ZFP2: variants seen among roughly 807,000 people sequenced by gnomAD.
The protein encoded by ZFP2 is zinc finger protein ZFP2.
A neutral mutation model predicts 36.1 loss-of-function variants in ZFP2; 33 were observed. The ratio of observed to expected loss-of-function variants is 0.92; its 90% CI spans 0.69 to 1.22. The LOEUF (loss-of-function observed/expected upper bound fraction) is 1.22, where lower values mean the gene tolerates loss of function less well. ZFP2 is among the 50% of genes most tolerant of loss of function. The pLI is 0.00. For missense variants in ZFP2, 522 were observed against 551.4 expected (o/e 0.95, Z 0.53); for synonymous variants, 170 against 178.0 (o/e 0.96, Z 0.36).
chr5:178,904,555 TTATAA>T (rs1270904755), intron 1 of ZFP2, among the ~76,000 whole-genome samples: 4 of 151,134 alleles, frequency 2.6e-5, no homozygotes, highest in Non-Finnish European at 5.9e-5. Flanking sequence ...AGAGTTTATA[TTATAA>T]TATAGTTTAC....
At chr5:178,907,537 A>G (rs1048918669) in intron 1 of ZFP2, among the ~76,000 whole-genome samples, 3 of 151,998 alleles carry the variant, frequency 2.0e-5, no homozygotes, top group African/African-American at 4.8e-5. Flanking sequence ...ACTATTAAAT[A>G]TACTTTGATA....
intron 4 of ZFP2, among the ~76,000 whole-genome samples, chr5:178,925,276 G>A (rs1235102072): frequency 1.3e-5 from 2 of 148,542 alleles, no homozygotes; most frequent in Non-Finnish European, 3.0e-5. Context: ...ATGAACACTT[G>A]ACGATCTTGT....
intron 3 of ZFP2, among the ~76,000 whole-genome samples, chr5:178,913,617 C>T (rs937648613): frequency 6.6e-6 from 1 of 152,276 alleles, no homozygotes; most frequent in Admixed American, 6.5e-5. Flanking sequence ...AGCAGCCTTA[C>T]ATTGTGTATA....
At chr5:178,909,773 T>G in intron 1 of ZFP2, 1 of 1,579,908 alleles carries the variant, frequency 6.3e-7, no homozygotes, top group Admixed American at 1.7e-5. Flanking sequence ...CTTCCTCTTC[T>G]CTTTTCCTTC....
intron 1 of ZFP2, among the ~76,000 whole-genome samples, chr5:178,898,251 G>T (rs922967946): frequency 1.3e-5 from 2 of 152,208 alleles, no homozygotes; most frequent in Non-Finnish European, 2.9e-5. Context: ...CTCCCAAAGT[G>T]CTGGGATTAC....
intron 4 of ZFP2, among the ~76,000 whole-genome samples, chr5:178,928,819 C>G (rs1470151119): frequency 1.3e-5 from 2 of 152,242 alleles, no homozygotes; most frequent in Non-Finnish European, 2.9e-5. Context: ...CCACATTTCT[C>G]CTCTGCACTG....
At chr5:178,929,692 A>C (rs1017397774) in intron 4 of ZFP2, among the ~76,000 whole-genome samples, 5 of 152,140 alleles carry the variant, frequency 3.3e-5, no homozygotes, top group African/African-American at 1.2e-4. Context: ...ACTCTCTCTT[A>C]TCTTCCTATC....
At chr5:178,924,190 G>A (rs1007581298) in intron 4 of ZFP2, among the ~76,000 whole-genome samples, 1 of 148,272 alleles carries the variant, frequency 6.7e-6, no homozygotes, top group African/African-American at 2.4e-5. Flanking sequence ...TGGCTAACAC[G>A]GTGAAACCCC....
chr5:178,932,374 A>G lies in ZFP2; in HGVS notation c.1061A>G (p.Tyr354Cys), dbSNP rs1224678565. 1.2e-6 allele frequency: 2 copies of G among 1,614,028 alleles called. No homozygotes were observed. Among genetic ancestry groups the G allele is most frequent in the Non-Finnish European group, 1.7e-6 (2 of 1,180,026 alleles). ...AGAATTCACACTGGAGAGAAACCTT[A>G]TGAGTGTATGGTGTGTGGAAAACAT... ...HRRIHTGEKP[Y>C]ECMVCGKHFT... Residue 354 changes from tyrosine (Y) to cysteine (C), a missense_variant, in exon 5 of 5, where the codon TAT becomes TGT. Transcript: ENST00000361362.
chr5:178,927,886 G>T (rs1042304778), intron 4 of ZFP2, among the ~76,000 whole-genome samples: 9 of 151,780 alleles, frequency 5.9e-5, no homozygotes, highest in African/African-American at 2.2e-4. Context: ...GGTTCTACAG[G>T]CTGTACGGGA....
intron 4 of ZFP2, among the ~76,000 whole-genome samples, chr5:178,923,594 C>T (rs972099671): frequency 6.7e-6 from 1 of 149,360 alleles, no homozygotes; most frequent in Non-Finnish European, 1.5e-5. Flanking sequence ...ATATTTAAGA[C>T]TGTGTTTTGC....
chr5:178,896,317 G>A (rs1757937486), intron 1 of ZFP2, among the ~76,000 whole-genome samples: 1 of 152,210 alleles, frequency 6.6e-6, no homozygotes, highest in South Asian at 2.1e-4. Flanking sequence ...TCAGGGAGGG[G>A]CCCAAGGTTC....
intron 1 of ZFP2, chr5:178,909,614 T>C (rs1758246737): frequency 7.9e-7 from 1 of 1,261,322 alleles, no homozygotes; most frequent in East Asian, 2.7e-5. Flanking sequence ...GTAGAAACTA[T>C]CCTGATCTTC....
At chr5:178,909,384 T>G (rs1758241626) in intron 1 of ZFP2, among the ~76,000 whole-genome samples, 1 of 152,222 alleles carries the variant, frequency 6.6e-6, no homozygotes, top group Non-Finnish European at 1.5e-5. Context: ...GATAAATGGT[T>G]TTCTTTCAAC....
At chr5:178,930,336 T>TCC (rs1758802936) in intron 4 of ZFP2, among the ~76,000 whole-genome samples, 1 of 137,786 alleles carries the variant, frequency 7.3e-6, no homozygotes, top group Non-Finnish European at 1.6e-5. Flanking sequence ...TTTTTTTTTT[T>TCC]TTGAGACAGA....
chr5:178,919,887 C>G (rs1406450070), intron 4 of ZFP2, among the ~76,000 whole-genome samples: 1 of 152,006 alleles, frequency 6.6e-6, no homozygotes, highest in Non-Finnish European at 1.5e-5. Context: ...TCGCTTGAAC[C>G]CAGGAGGTGA....
chr5:178,929,355 C>T (rs1270358162), intron 4 of ZFP2, among the ~76,000 whole-genome samples: 1 of 151,932 alleles, frequency 6.6e-6, no homozygotes, highest in Non-Finnish European at 1.5e-5. Flanking sequence ...CTTTTAAATA[C>T]CAGTTCCAGT....
chr5:178,902,841 T>G (rs1758087607), intron 1 of ZFP2, among the ~76,000 whole-genome samples: 1 of 152,198 alleles, frequency 6.6e-6, no homozygotes. Context: ...CAGATAATAT[T>G]TACTCAGGAG....
intron 1 of ZFP2, among the ~76,000 whole-genome samples, chr5:178,904,744 C>T (rs1176059011): frequency 7.1e-6 from 1 of 141,030 alleles, no homozygotes; most frequent in African/African-American, 2.6e-5. Context: ...GCTCTGTCTC[C>T]CAGGCTGGAG....
Sources: allele counts gnomAD v4.1 joint callset (sites outside exome capture counted in the v4.1 genomes callset), GRCh38; gene constraint gnomAD v4.1.1; transcripts MANE v1.5; gene names NCBI Gene and HGNC (gene_info 2026-07-23, HGNC 2026-07-21).